The following PRKCA variants were observed in gnomAD, a reference collection of about 807,000 sequenced individuals.
PRKCA encodes the protein protein kinase C alpha.
In PRKCA, 27 loss-of-function variants were observed where a neutral mutation model predicts 87.0. The ratio of observed to expected loss-of-function variants is 0.31; its 90% CI spans 0.23 to 0.43. The LOEUF is 0.43. Among genes scored for constraint, PRKCA ranks in the 20% least tolerant of loss-of-function variants. PRKCA has a pLI of 1.00. For synonymous variants in PRKCA, 329 were observed against 311.1 expected, an observed-to-expected ratio of 1.06 and a Z score of -0.61; for missense variants, 518 against 852.3, an observed-to-expected ratio of 0.61 and a Z score of 4.88.
At chr17:66,699,232 A>G (rs1297918457) in intron 8 of PRKCA, among the ~76,000 whole-genome samples, 2 of 144,220 alleles carry the variant, frequency 1.4e-5, no homozygotes, top group Admixed American at 6.9e-5. Flanking sequence ...AAAAAAAAAG[A>G]TTAACAAAAC....
At position 66,674,906 on chromosome 17, in the gene PRKCA, A is replaced by C. The variant is rs17688743; in HGVS notation, c.530-12205A>C. Among the ~76,000 whole-genome samples, 249 of 152,258 alleles carry C rather than the reference A, an allele frequency of 1.6e-3. 1 individual carries two copies. The highest frequency in any genetic ancestry group is 2.7e-3 in the Non-Finnish European group (181 of 68,022). ...GAGAAATCAGTTACCTCCTTATGCC[A>C]TGGAGGGCCTGACTGCAGTGCACGC... On this transcript the variant is annotated intron_variant, in intron 5 of 16. Transcript: ENST00000413366.
chr17:66,422,104 A>G (rs560035862), intron 2 of PRKCA, among the ~76,000 whole-genome samples: 2 of 152,048 alleles, frequency 1.3e-5, no homozygotes, highest in East Asian at 3.9e-4. Flanking sequence ...ATCTCTTCTC[A>G]TAAAGATCCC....
intron 3 of PRKCA, among the ~76,000 whole-genome samples, chr17:66,595,831 A>G (rs879865235): frequency 5.3e-5 from 8 of 152,196 alleles, no homozygotes; most frequent in Non-Finnish European, 8.8e-5. Context: ...AAGGGATGCA[A>G]TTCCACCCAC....
intron 2 of PRKCA, among the ~76,000 whole-genome samples, chr17:66,390,245 A>C (rs1268612404): frequency 6.6e-6 from 1 of 152,116 alleles, no homozygotes; most frequent in Non-Finnish European, 1.5e-5. Flanking sequence ...AAAAATCATG[A>C]AGAGTGGACC....
intron 3 of PRKCA, among the ~76,000 whole-genome samples, chr17:66,619,088 AT>A (rs58666676): frequency 0.1 from 15,772 of 151,870 alleles, 1,472 homozygotes; most frequent in African/African-American, 0.25. Flanking sequence ...TAGTCTTGGC[AT>A]TTTTTTTTCT....
At chr17:66,520,122 A>G (rs1197178815) in intron 3 of PRKCA, among the ~76,000 whole-genome samples, 1 of 138,526 alleles carries the variant, frequency 7.2e-6, no homozygotes, top group Non-Finnish European at 1.5e-5. Flanking sequence ...ATCCACACTA[A>G]TAATTTTTTT....
At chr17:66,446,458 T>C (rs140354802) in intron 2 of PRKCA, among the ~76,000 whole-genome samples, 224 of 152,320 alleles carry the variant, frequency 1.5e-3, no homozygotes, top group African/African-American at 5.2e-3. Flanking sequence ...TTCAATGTCT[T>C]CTGTCCAGAC....
At chr17:66,535,061 A>T (rs967479300) in intron 3 of PRKCA, among the ~76,000 whole-genome samples, 8 of 152,194 alleles carry the variant, frequency 5.3e-5, no homozygotes. Context: ...CATGTGAATT[A>T]TTCCTCAAAT....
chr17:66,322,944 C>T (rs1211443606), intron 2 of PRKCA, among the ~76,000 whole-genome samples: 1 of 152,156 alleles, frequency 6.6e-6, no homozygotes, highest in Non-Finnish European at 1.5e-5. Flanking sequence ...TTGACCAGTC[C>T]TCCATGTGCC....
At chr17:66,602,492 C>G (rs373565466) in intron 3 of PRKCA, among the ~76,000 whole-genome samples, 2 of 151,774 alleles carry the variant, frequency 1.3e-5, no homozygotes, top group Admixed American at 6.6e-5. Context: ...GAGATGAACC[C>G]GGTACCTCAG....
chr17:66,605,102 A>G (rs1970169336), intron 3 of PRKCA, among the ~76,000 whole-genome samples: 1 of 152,174 alleles, frequency 6.6e-6, no homozygotes, highest in Non-Finnish European at 1.5e-5. Flanking sequence ...ATGGGGTTTC[A>G]TGTACACACG....
chr17:66,781,206 C>A (rs994778046), intron 14 of PRKCA, among the ~76,000 whole-genome samples: 1 of 152,232 alleles, frequency 6.6e-6, no homozygotes, highest in African/African-American at 2.4e-5. Context: ...TCCCTCCTGG[C>A]TCAGTAGGAT....
At chr17:66,517,143 G>T (rs923055780) in intron 3 of PRKCA, among the ~76,000 whole-genome samples, 7 of 152,096 alleles carry the variant, frequency 4.6e-5, no homozygotes. Context: ...AATTAGCTGG[G>T]CGTGGTGGTG....
At chr17:66,785,789 T>G (rs535036523) in intron 14 of PRKCA, among the ~76,000 whole-genome samples, 122 of 152,346 alleles carry the variant, frequency 8.0e-4, no homozygotes, top group African/African-American at 2.5e-3. Context: ...TACAAGGCAC[T>G]TTACTCCCAG....
chr17:66,518,629 G>T (rs186170765), intron 3 of PRKCA, among the ~76,000 whole-genome samples: 132 of 152,222 alleles, frequency 8.7e-4, no homozygotes, highest in Middle Eastern at 3.4e-3. Context: ...TTGACAGATG[G>T]ATGGTATTTA....
intron 3 of PRKCA, among the ~76,000 whole-genome samples, chr17:66,621,009 A>G (rs1161392658): frequency 1.3e-5 from 2 of 152,214 alleles, no homozygotes; most frequent in South Asian, 2.1e-4. Context: ...GGCTCTTTCA[A>G]TGACTTAGTT....
Position 66,805,535 on chromosome 17 carries a change from G to A in PRKCA, c.*1498G>A, listed in dbSNP as rs889355912. On this transcript the variant is annotated 3_prime_UTR_variant, in exon 17 of 17. Transcript: ENST00000413366. ...TGTAGATAAAATTTCAAAAATGAAT[G>A]GCTAGTTTACGTGATAGATTAGGCT... 3 of 152,296 alleles carry A rather than the reference G, an allele frequency of 2.0e-5. No homozygotes were observed. The highest frequency in any genetic ancestry group is 6.5e-5 in the Admixed American group (1 of 15,276). 9.4% of individuals were successfully genotyped at this position (152,296 alleles called of 1,614,324 possible).
chr17:66,740,950 CCT>C (rs1476891582), intron 11 of PRKCA, among the ~76,000 whole-genome samples: 1 of 152,120 alleles, frequency 6.6e-6, no homozygotes, highest in Non-Finnish European at 1.5e-5. Context: ...GATTTTTTTT[CCT>C]CTCTGCTCGT....
intron 2 of PRKCA, among the ~76,000 whole-genome samples, chr17:66,454,299 G>A (rs1914478462): frequency 6.6e-6 from 1 of 152,200 alleles, no homozygotes; most frequent in African/African-American, 2.4e-5. Context: ...GGGGCCTAAT[G>A]CCTCAGTTGC....
Sources: allele counts gnomAD v4.1 joint callset (sites outside exome capture counted in the v4.1 genomes callset), GRCh38; gene constraint gnomAD v4.1.1; transcripts MANE v1.5; gene names NCBI Gene and HGNC (gene_info 2026-07-23, HGNC 2026-07-21).